OPRD1: variants seen among roughly 807,000 people sequenced by gnomAD.
The protein encoded by OPRD1 is delta-type opioid receptor.
Under a neutral mutation model 17.5 loss-of-function variants are expected in OPRD1, and 19 were observed. The observed-to-expected ratio is 1.09, with a 90% CI of 0.76 to 1.60. OPRD1 has a LOEUF of 1.60. Ranked by LOEUF, OPRD1 falls within the 40% of genes most tolerant of loss-of-function variation. The probability of loss-of-function intolerance (pLI) is 0.00; values close to 1 mark genes in which losing one functional copy is unlikely to be tolerated. For missense variants in OPRD1, 483 were observed against 547.2 expected (o/e 0.88, Z 1.17); for synonymous variants, 256 against 240.9 (o/e 1.06, Z -0.58).
chr1:28,823,899 C>T (rs192702070), intron 1 of OPRD1, among the ~76,000 whole-genome samples: 24 of 148,142 alleles, frequency 1.6e-4, no homozygotes, highest in Admixed American at 1.1e-3. Context: ...CCATTCAGGC[C>T]GGGTGCGGTG....
rs1345480994 is a variant in OPRD1 at position 28,865,995 on chromosome 1, T to A, written c.*2712T>A. On this transcript the variant is annotated 3_prime_UTR_variant, in exon 3 of 3. Transcript: ENST00000234961. ...AGATCTGGCTGTTTTTTGCCCCTTC[T>A]GATATGTAAATCTGTCCTGAGGTCA... 2 of 152,238 alleles carry A rather than the reference T, an allele frequency of 1.3e-5. No homozygotes were observed. Among genetic ancestry groups the A allele is most frequent in the African/African-American group, 4.8e-5 (2 of 41,450 alleles). 9.4% of individuals were successfully genotyped at this position (152,238 alleles called of 1,614,324 possible). A position where few individuals can be genotyped will look rare whatever the true frequency, so the allele number is the denominator to read the frequency against.
rs1447396633 is a variant in OPRD1 at position 28,853,020 on chromosome 1, A to C, written c.228-5934A>C. On this transcript the variant is annotated intron_variant, in intron 1 of 2. Transcript: ENST00000234961. ...CAGACGTGAGCCACCGCGCCCAGCC[A>C]AGACCCCGTCTCTTAGAAACAAACA... Among the ~76,000 whole-genome samples, 4 of 152,010 alleles carry C rather than the reference A, an allele frequency of 2.6e-5. No individual in the cohort carries two copies. The East Asian group carries it at 7.7e-4, about 29-fold the overall frequency.
intron 1 of OPRD1, among the ~76,000 whole-genome samples, chr1:28,846,508 C>T (rs969876805): frequency 1.3e-5 from 2 of 151,994 alleles, no homozygotes; most frequent in Admixed American, 6.6e-5. Flanking sequence ...CATAGTGAAA[C>T]CGCATCTCTA....
rs1240634066 is a variant in OPRD1 at position 28,865,215 on chromosome 1, T to G, written c.*1932T>G. On this transcript the variant is annotated 3_prime_UTR_variant, in exon 3 of 3. Coordinates refer to ENST00000234961, the MANE Select transcript of OPRD1 (RefSeq NM_000911.4). ...CTCCTCTCCCTCCGCTGCTGTCCCC[T>G]CCCTCACCAACACTGCCTCAGTAAT... 1.3e-5 allele frequency: 2 copies of G among 152,322 alleles called. No homozygotes were observed. The highest frequency in any genetic ancestry group is 2.9e-5 in the Non-Finnish European group (2 of 68,048). 9.4% of individuals were successfully genotyped at this position (152,322 alleles called of 1,614,324 possible).
Position 28,812,568 on chromosome 1 carries a change from T to C in OPRD1, c.185T>C (p.Val62Ala), listed in dbSNP as rs991643696. 1.3e-6 allele frequency: 2 copies of C among 1,574,916 alleles called. No individual in the cohort carries two copies. The highest frequency in any genetic ancestry group is 3.5e-5 in the Admixed American group (2 of 57,286). Residue 62 changes from valine to alanine, a missense_variant, in exon 1 of 3, where the codon GTG (valine) becomes GCG (alanine). By Grantham distance (64) the Val-to-Ala change is moderately conservative (BLOSUM62 0). Coordinates refer to ENST00000234961, the MANE Select transcript of OPRD1 (RefSeq NM_000911.4). The part of the protein sequence containing the change: ...ITALYSAVCA[V>A]GLLGNVLVMF... ...GCGCTCTACTCGGCCGTGTGCGCCG[T>C]GGGGCTGCTGGGCAACGTGCTTGTC...
chr1:28,836,922 T>C (rs1038422816), intron 1 of OPRD1, among the ~76,000 whole-genome samples: 2 of 152,142 alleles, frequency 1.3e-5, no homozygotes, highest in Admixed American at 1.3e-4. Flanking sequence ...TTTCCATCGA[T>C]GGGGGCAGGG....
At chr1:28,812,854 T>G (rs1196794862) in intron 1 of OPRD1, among the ~76,000 whole-genome samples, 1 of 152,098 alleles carries the variant, frequency 6.6e-6, no homozygotes, top group Admixed American at 6.5e-5. Context: ...AAATTACATT[T>G]GATCATCTGT....
rs986035654 is a variant in OPRD1 at position 28,845,263 on chromosome 1, A to C, written c.228-13691A>C. On this transcript the variant is annotated intron_variant, in intron 1 of 2. Transcript: ENST00000234961. The stretch of plus-strand genomic sequence containing the variant: ...CTTTGGGAGGCCGAGGTAGGTGGAT[A>C]ACTTGAGGTCAGGAGTTCAAGACTA... Among the ~76,000 whole-genome samples, 50 of 151,950 alleles carry C rather than the reference A, an allele frequency of 3.3e-4. 1 individual carries two copies. The highest frequency in any genetic ancestry group is 1.1e-3 in the African/African-American group (45 of 41,426).
rs557672439 is a variant in OPRD1 at position 28,823,051 on chromosome 1, G to A, written c.227+10441G>A. 3.3e-5 allele frequency among the ~76,000 whole-genome samples: 5 copies of A among 152,198 alleles called. No homozygotes were observed. In the East Asian group the frequency reaches 9.7e-4, roughly 29 times the overall value. ...GCAGGCTATAGTGGCCCCATTACCG[G>A]CTGGGAGCTGTGGGGTGGAATGAGG... On this transcript the variant is annotated intron_variant, in intron 1 of 2. Coordinates refer to ENST00000234961, the MANE Select transcript of OPRD1 (RefSeq NM_000911.4).
chr1:28,858,099 ATTTTTCTTTT>A (rs1409371562), intron 1 of OPRD1, among the ~76,000 whole-genome samples: 2 of 121,580 alleles, frequency 1.6e-5, no homozygotes, highest in South Asian at 2.6e-4. Context: ...CCGGCCTAGG[ATTTTTCTTTT>A]TTTTTCTTTT....
Position 28,812,452 on chromosome 1 carries a change from C to A in OPRD1, c.69C>A (p.Tyr23Ter). The change falls in exon 1 of 3, where the codon TAC (tyrosine) becomes TAA (stop). Residue 23 changes from tyrosine to a stop codon, truncating the protein, a stop_gained. Transcript: ENST00000234961. LOFTEE classifies it high-confidence loss of function. ...PPLFANASDA[Y>*]PSACPSAGAN... ...TCTTCGCCAACGCCTCGGACGCCTA[C>A]CCTAGCGCCTGCCCCAGCGCTGGCG... 6.6e-7 allele frequency: 1 copy of A among 1,515,550 alleles called. No homozygotes were observed. Among genetic ancestry groups the A allele is most frequent in the Non-Finnish European group, 8.8e-7 (1 of 1,138,752 alleles). The allele number at this position is 1,515,550 out of a possible 1,614,324, so 93.9% of individuals were successfully genotyped here.
intron 1 of OPRD1, among the ~76,000 whole-genome samples, chr1:28,825,588 G>A (rs1422925072): frequency 3.3e-5 from 5 of 152,298 alleles, no homozygotes; most frequent in African/African-American, 1.2e-4. Flanking sequence ...GTTTCATCAT[G>A]TTGGTCAGGC....
intron 1 of OPRD1, among the ~76,000 whole-genome samples, chr1:28,846,831 T>TTCTC (rs1423800536): frequency 2.9e-4 from 22 of 76,906 alleles, no homozygotes; most frequent in South Asian, 6.0e-4. Context: ...TTTTCTTTCT[T>TTCTC]TCTTTCTTTC....
chr1:28,814,929 T>G (rs1329346226), intron 1 of OPRD1, among the ~76,000 whole-genome samples: 5 of 152,114 alleles, frequency 3.3e-5, no homozygotes, highest in African/African-American at 1.2e-4. Flanking sequence ...ACCCGCATCC[T>G]GCAGATAAAA....
At chr1:28,825,267 T>C (rs181235782) in intron 1 of OPRD1, among the ~76,000 whole-genome samples, 1 of 152,348 alleles carries the variant, frequency 6.6e-6, no homozygotes, top group African/African-American at 2.4e-5. Context: ...AAGGCTGGAC[T>C]AGAACTGCTT....
At position 28,870,592 on chromosome 1, in the gene OPRD1, CT is replaced by C. The variant is rs370130303; in HGVS notation, c.*7313del. 4 of 152,220 alleles carry C rather than the reference CT, an allele frequency of 2.6e-5. No individual in the cohort carries two copies. Among genetic ancestry groups the C allele is most frequent in the African/African-American group, 9.7e-5 (4 of 41,448 alleles). The allele number at this position is 152,220 out of a possible 1,614,324, so 9.4% of individuals were successfully genotyped here. ...GGTGGGTCCGGAGAAAGGCTTTTCT[CT>C]TTTAACCATCTCCTTGAATTTCAGA... On this transcript the variant is annotated 3_prime_UTR_variant, in exon 3 of 3. Coordinates refer to ENST00000234961, the MANE Select transcript of OPRD1 (RefSeq NM_000911.4).
At chr1:28,852,164 T>TAAAAAA (rs71030305) in intron 1 of OPRD1, among the ~76,000 whole-genome samples, 11 of 86,720 alleles carry the variant, frequency 1.3e-4, no homozygotes, top group African/African-American at 1.9e-4. Flanking sequence ...AAACTCCATG[T>TAAAAAA]AAAAAAAAAA....
chr1:28,860,045 A>C (rs1329047932), intron 2 of OPRD1, among the ~76,000 whole-genome samples: 1 of 152,132 alleles, frequency 6.6e-6, no homozygotes, highest in Non-Finnish European at 1.5e-5. Flanking sequence ...ATGAATATGG[A>C]GAGGGAGCGA....
At chr1:28,841,880 ATT>A (rs397737187) in intron 1 of OPRD1, among the ~76,000 whole-genome samples, 6 of 136,592 alleles carry the variant, frequency 4.4e-5, no homozygotes, top group Non-Finnish European at 4.8e-5. Context: ...CACCTGGCTA[ATT>A]TTTTTTTTTT....
Sources: gnomAD v4.1 joint callset for allele counts (sites outside exome capture counted in the v4.1 genomes callset) on GRCh38, gnomAD v4.1.1 for gene constraint, MANE v1.5 for transcripts, NCBI Gene and HGNC (gene_info 2026-07-23, HGNC 2026-07-21) for gene names.